Variants in THSD7B observed in about 807,000 individuals in gnomAD.
THSD7B encodes the protein thrombospondin type-1 domain-containing protein 7B.
In THSD7B, 138 loss-of-function variants were observed where a neutral mutation model predicts 213.6. That is an observed-to-expected ratio of 0.65 (90% confidence interval 0.56 to 0.74). THSD7B has a LOEUF of 0.74. Among genes scored for constraint, THSD7B ranks in the 30% least tolerant of loss-of-function variants. THSD7B has a pLI of 0.00. For synonymous variants in THSD7B, 742 were observed against 687.0 expected, an observed-to-expected ratio of 1.08 and a Z score of -1.25; for missense variants, 1,931 against 1,991.5, an observed-to-expected ratio of 0.97 and a Z score of 0.58.
intron 7 of THSD7B, among the ~76,000 whole-genome samples, chr2:137,176,153 A>T (rs1346331632): frequency 6.6e-6 from 1 of 152,186 alleles, no homozygotes; most frequent in Non-Finnish European, 1.5e-5. Flanking sequence ...TCTTTTTCAC[A>T]TAAGTATATT....
intron 12 of THSD7B, among the ~76,000 whole-genome samples, chr2:137,365,163 G>A (rs903657750): frequency 7.9e-5 from 12 of 152,154 alleles, no homozygotes; most frequent in South Asian, 2.1e-4. Flanking sequence ...TTCAATAAAC[G>A]GTGCTGGGAA....
At chr2:136,804,438 A>ACACACACC (rs61679077) in intron 1 of THSD7B, among the ~76,000 whole-genome samples, 99 of 138,692 alleles carry the variant, frequency 7.1e-4, no homozygotes, top group Middle Eastern at 7.3e-3. Flanking sequence ...ACACACACAC[A>ACACACACC]CCCTTACCCT....
rs58116447 is a variant in THSD7B at position 136,796,980 on chromosome 2, T to TCACACACACACACACA, written c.-36+31310_-36+31325dup. ...GCCAAGATAGTGATATCATATTTGA[T>TCACACACACACACACA]CACACACACACACACACACACACAC... On this transcript the variant is annotated intron_variant, in intron 1 of 27. Transcript: ENST00000409968. Among the ~76,000 whole-genome samples the TCACACACACACACACA allele has an allele frequency of 2.1e-3, 303 of 146,928 alleles. 1 individual carries two copies. The highest frequency in any genetic ancestry group is 3.5e-3 in the Non-Finnish European group (234 of 66,432).
chr2:137,666,766 A>C (rs1683456172), intron 26 of THSD7B, among the ~76,000 whole-genome samples: 1 of 152,104 alleles, frequency 6.6e-6, no homozygotes, highest in Non-Finnish European at 1.5e-5. Flanking sequence ...GAAACAACTC[A>C]AGTTTCTATC....
chr2:137,213,384 A>G (rs199661549), intron 7 of THSD7B, among the ~76,000 whole-genome samples: 1 of 145,014 alleles, frequency 6.9e-6, no homozygotes, highest in Admixed American at 7.0e-5. Context: ...TATATATGTT[A>G]TAATATGTAC....
At position 137,094,951 on chromosome 2, in the gene THSD7B, C is replaced by G. The variant is rs1349964275; in HGVS notation, c.1029C>G (p.Ser343=). The G allele has an allele frequency of 6.2e-7, 1 of 1,613,834 alleles. No homozygotes were observed. The change falls in exon 4 of 28, where the codon TCC becomes TCG. Residue 343 remains serine (S), a synonymous_variant. Coordinates refer to ENST00000409968, the MANE Select transcript of THSD7B (RefSeq NM_001316349.2). ...AAGACTGTGAAACCTCCCAGTGGTC[C>G]TCCTGGAGCCCCTGCTCCAAGACAT... ...MPKDCETSQW[S]SWSPCSKTCR...
chr2:137,620,231 G>C (rs965848633), intron 19 of THSD7B, among the ~76,000 whole-genome samples: 2 of 152,128 alleles, frequency 1.3e-5, no homozygotes, highest in African/African-American at 4.8e-5. Context: ...CTGGCTTTCT[G>C]TGTTGGCCCT....
At chr2:137,341,617 G>T (rs935337805) in intron 12 of THSD7B, among the ~76,000 whole-genome samples, 1 of 151,606 alleles carries the variant, frequency 6.6e-6, no homozygotes, top group East Asian at 1.9e-4. Flanking sequence ...ATGTTTAAGT[G>T]TTTAATCCAT....
Position 137,655,653 on chromosome 2 carries a change from T to A in THSD7B, c.4098T>A (p.Pro1366=). ...DSILKQLCSV[P]CPGDCHLTEW... is the part of the protein sequence containing the mutation. ...TCCTGAAGCAGCTGTGTTCTGTGCC[T>A]TGCCCAGGTATGCAATGCTAGTGAT... The change falls in exon 22 of 28, where the codon CCT becomes CCA. Residue 1366 remains proline (P), a synonymous_variant. Transcript: ENST00000409968. The A allele has an allele frequency of 6.2e-7, 1 of 1,612,684 alleles. No homozygotes were observed.
At chr2:137,550,750 G>C (rs548410812) in intron 15 of THSD7B, among the ~76,000 whole-genome samples, 1 of 152,160 alleles carries the variant, frequency 6.6e-6, no homozygotes, top group East Asian at 1.9e-4. Flanking sequence ...TGACATGGAT[G>C]GTTTAGCTTG....
chr2:137,368,806 A>T (rs1436850683), intron 12 of THSD7B, among the ~76,000 whole-genome samples: 1 of 152,116 alleles, frequency 6.6e-6, no homozygotes, highest in African/African-American at 2.4e-5. Context: ...CCCTACTCAT[A>T]AAATGTGTTC....
chr2:137,271,334 C>A (rs997647060), intron 10 of THSD7B, among the ~76,000 whole-genome samples: 11 of 147,980 alleles, frequency 7.4e-5, no homozygotes, highest in African/African-American at 2.7e-4. Context: ...ATCTCAGTGC[C>A]CTTCTTCAAA....
intron 16 of THSD7B, among the ~76,000 whole-genome samples, chr2:137,569,887 T>C (rs1387236027): frequency 6.6e-6 from 1 of 152,098 alleles, no homozygotes; most frequent in African/African-American, 2.4e-5. Flanking sequence ...TGGAGACTAA[T>C]ATGTACATTC....
intron 17 of THSD7B, among the ~76,000 whole-genome samples, chr2:137,614,603 T>C (rs1022745552): frequency 6.6e-6 from 1 of 152,270 alleles, no homozygotes; most frequent in East Asian, 1.9e-4. Context: ...ATTGGTAAAA[T>C]AGTGATAAAT....
chr2:137,361,345 T>C (rs1303545625), intron 12 of THSD7B, among the ~76,000 whole-genome samples: 1 of 152,120 alleles, frequency 6.6e-6, no homozygotes, highest in African/African-American at 2.4e-5. Flanking sequence ...GTGCAGCTCC[T>C]CACCAGCAAT....
intron 1 of THSD7B, among the ~76,000 whole-genome samples, chr2:136,803,172 C>CAT (rs1485751357): frequency 6.6e-6 from 1 of 151,964 alleles, no homozygotes; most frequent in Non-Finnish European, 1.5e-5. Context: ...CACACATGCA[C>CAT]ATATATATAA....
At chr2:136,880,572 G>A (rs115795153) in intron 1 of THSD7B, among the ~76,000 whole-genome samples, 1 of 152,010 alleles carries the variant, frequency 6.6e-6, no homozygotes. Flanking sequence ...TCTCAAATGT[G>A]CCCCTCTTCC....
chr2:137,218,118 T>C (rs1322573115), intron 7 of THSD7B, among the ~76,000 whole-genome samples: 1 of 152,208 alleles, frequency 6.6e-6, no homozygotes, highest in African/African-American at 2.4e-5. Context: ...ATTAATGATA[T>C]AATTACAATT....
At chr2:136,834,273 C>G (rs1394190267) in intron 1 of THSD7B, among the ~76,000 whole-genome samples, 1 of 152,154 alleles carries the variant, frequency 6.6e-6, no homozygotes, top group Admixed American at 6.5e-5. Context: ...TGTTCTTGCA[C>G]AGTCTTTCTG....
Sources: gnomAD v4.1 joint callset for allele counts (sites outside exome capture counted in the v4.1 genomes callset) on GRCh38, gnomAD v4.1.1 for gene constraint, MANE v1.5 for transcripts, NCBI Gene and HGNC (gene_info 2026-07-23, HGNC 2026-07-21) for gene names.